The following TBPL1 variants were observed in gnomAD, a reference collection of about 807,000 sequenced individuals.
TBPL1 encodes TATA box-binding protein-like 1.
TBPL1 carries 4 observed loss-of-function variants against 22.1 expected under a neutral mutation model. The ratio of observed to expected loss-of-function variants is 0.18; its 90% CI spans 0.09 to 0.41. TBPL1 has a LOEUF of 0.41. Ranked by LOEUF, TBPL1 falls within the 10% of genes least tolerant of loss-of-function variation. The pLI is 1.00. For missense variants in TBPL1, 115 were observed against 222.3 expected (o/e 0.52, Z 3.07); for synonymous variants, 64 against 71.0 (o/e 0.90, Z 0.50).
In TBPL1 at chr6:133,989,333, CA is replaced by C. The variant is rs1289791758; in HGVS notation, c.*2294del. ...ATTTGAAGACAAAATTGTTTAGTTA[CA>C]GACTCAGGATAATAAAAGAAAAATA... On this transcript the variant is annotated 3_prime_UTR_variant, in exon 7 of 7. Coordinates refer to ENST00000237264, the MANE Select transcript of TBPL1 (RefSeq NM_004865.4). 2 of 152,044 alleles carry C rather than the reference CA, an allele frequency of 1.3e-5. No individual in the cohort carries two copies. Among genetic ancestry groups the C allele is most frequent in the Non-Finnish European group, 2.9e-5 (2 of 68,012 alleles). The allele number at this position is 152,044 out of a possible 1,614,324, so 9.4% of individuals were successfully genotyped here. A position where few individuals can be genotyped will look rare whatever the true frequency, so the allele number is the denominator to read the frequency against.
At position 133,989,961 on chromosome 6, in the gene TBPL1, T is replaced by C. The variant is rs1776598330; in HGVS notation, c.*2921T>C. 1 of 152,290 alleles carries C rather than the reference T, an allele frequency of 6.6e-6. No homozygotes were observed. The highest frequency in any genetic ancestry group is 2.1e-4 in the South Asian group (1 of 4,832). The allele number at this position is 152,290 out of a possible 1,614,324, so 9.4% of individuals were successfully genotyped here. ...ACTTAAATATTAGTAATTTAATATGTTATTTGGTTCAAGATTTGATTGTGG... is the reference window on the plus strand; with the variant it reads ...ACTTAAATATTAGTAATTTAATATGCTATTTGGTTCAAGATTTGATTGTGG... On this transcript the variant is annotated 3_prime_UTR_variant, in exon 7 of 7. Transcript: ENST00000237264.
At chr6:133,952,917 G>C (rs779915552), upstream of TBPL1, among the ~76,000 whole-genome samples, 2 of 152,178 alleles carry the variant, frequency 1.3e-5, no homozygotes, top group African/African-American at 2.4e-5. This position sits in a 1 kb window ranked among gnomAD's most constrained non-coding sequence, Gnocchi z 4.5. Flanking sequence ...GGTGTTTTCA[G>C]AACCCTTTCA....
chr6:133,984,168 A>C, intron 4 of TBPL1, among the ~76,000 whole-genome samples: 1 of 152,146 alleles, frequency 6.6e-6, no homozygotes, highest in East Asian at 1.9e-4. Context: ...CAAATACCTC[A>C]GTTTTTAATT....
rs1230649053 is a variant in TBPL1, at chr6:133,985,293, AAAAAATATATATATATATATAT to A, written c.481+624_481+645del. On this transcript the variant is annotated intron_variant, in intron 6 of 6. Coordinates refer to ENST00000237264, the MANE Select transcript of TBPL1 (RefSeq NM_004865.4). ...ACTCTGTCTAAAAAAAAAAAAAAAA[AAAAAATATATATATATATATAT>A]ATATATATATATATATATATATACA... 7.4e-5 allele frequency among the ~76,000 whole-genome samples: 5 copies of A among 67,126 alleles called. 1 individual carries two copies. Among genetic ancestry groups the A allele is most frequent in the African/African-American group, 3.3e-4 (5 of 15,374 alleles). 44.0% of individuals were successfully genotyped at this position (67,126 alleles called of 152,430 possible). A position where few individuals can be genotyped will look rare whatever the true frequency, so the allele number is the denominator to read the frequency against.
At chr6:133,982,495 A>G in intron 2 of TBPL1, 73 bp from the exon 3 acceptor site, 1 of 1,318,238 alleles carries the variant, frequency 7.6e-7, no homozygotes, top group Non-Finnish European at 1.1e-6. Flanking sequence ...TTGGACATTA[A>G]TATGACTATA....
intron 1 of TBPL1, among the ~76,000 whole-genome samples, chr6:133,955,165 T>A (rs1026625855): frequency 1.3e-5 from 2 of 151,212 alleles, no homozygotes; most frequent in African/African-American, 4.9e-5. Flanking sequence ...GGGTTATCTT[T>A]GTGCATATGA....
At chr6:133,966,750 A>G (rs1298240380) in intron 1 of TBPL1, among the ~76,000 whole-genome samples, 5 of 152,036 alleles carry the variant, frequency 3.3e-5, no homozygotes, top group Non-Finnish European at 5.9e-5. Flanking sequence ...CCCCATATCA[A>G]TCAGAAAATT....
At chr6:133,985,072 G>A (rs773384543) in intron 6 of TBPL1, among the ~76,000 whole-genome samples, 3 of 151,668 alleles carry the variant, frequency 2.0e-5, no homozygotes, top group East Asian at 1.9e-4. Context: ...AAGGTCAAGA[G>A]ATCAAGACCA....
intron 1 of TBPL1, 142 bp from the exon 2 acceptor site, chr6:133,979,940 C>A (rs1776379785): frequency 1.6e-6 from 1 of 625,564 alleles, no homozygotes; most frequent in Non-Finnish European, 2.3e-6. Flanking sequence ...AGCCACTGTG[C>A]CCGGCCAGGG....
intron 1 of TBPL1, among the ~76,000 whole-genome samples, chr6:133,977,277 C>A (rs1776331199): frequency 6.6e-6 from 1 of 152,082 alleles, no homozygotes; most frequent in Non-Finnish European, 1.5e-5. Context: ...TTTCAGGTTA[C>A]TCATATTATA....
At chr6:133,971,050 A>G (rs541595140) in intron 1 of TBPL1, among the ~76,000 whole-genome samples, 6 of 152,168 alleles carry the variant, frequency 3.9e-5, no homozygotes, top group East Asian at 1.9e-4. Flanking sequence ...CTCCAATCCA[A>G]TTGTAATTTT....
At chr6:133,964,293 A>G (rs1159669772) in intron 1 of TBPL1, among the ~76,000 whole-genome samples, 1 of 152,124 alleles carries the variant, frequency 6.6e-6, no homozygotes, top group Middle Eastern at 3.2e-3. Context: ...AGATCTGACA[A>G]GCTCTGAGTA....
In TBPL1 at chr6:133,987,774, C is replaced by T. The variant is rs1776559517; in HGVS notation, c.*734C>T. ...AAACGTGTATATAAACTCTAGGGAA[C>T]CAGACTAGAAGTTTATAGATAAAGG... On this transcript the variant is annotated 3_prime_UTR_variant, in exon 7 of 7. Transcript: ENST00000237264. The T allele has an allele frequency of 1.3e-5, 2 of 151,732 alleles. No homozygotes were observed. Among genetic ancestry groups the T allele is most frequent in the Admixed American group, 1.3e-4 (2 of 15,174 alleles). The allele number at this position is 151,732 out of a possible 1,614,324, so 9.4% of individuals were successfully genotyped here. A position where few individuals can be genotyped will look rare whatever the true frequency, so the allele number is the denominator to read the frequency against.
chr6:133,958,759 C>T (rs1305414740), intron 1 of TBPL1, among the ~76,000 whole-genome samples: 2 of 151,918 alleles, frequency 1.3e-5, no homozygotes, highest in Non-Finnish European at 1.5e-5. Context: ...AAAATATATA[C>T]TATAGAGGTT....
At chr6:133,982,303 A>G (rs1776428954) in intron 2 of TBPL1, among the ~76,000 whole-genome samples, 1 of 152,230 alleles carries the variant, frequency 6.6e-6, no homozygotes, top group African/African-American at 2.4e-5. Flanking sequence ...AATTGTTTAT[A>G]TACTTGGAGT....
intron 1 of TBPL1, among the ~76,000 whole-genome samples, chr6:133,967,944 G>A (rs1329011008): frequency 1.3e-5 from 2 of 152,012 alleles, no homozygotes; most frequent in African/African-American, 2.4e-5. Context: ...TAGAGCCTAG[G>A]ACCATGTGCT....
intron 4 of TBPL1, among the ~76,000 whole-genome samples, chr6:133,983,426 A>G (rs1463159404): frequency 6.6e-6 from 1 of 152,266 alleles, no homozygotes; most frequent in Non-Finnish European, 1.5e-5. Flanking sequence ...ATGGTCCCTG[A>G]AGATGAGGGC....
rs1257192632 is a variant in TBPL1, at chr6:133,987,545, A to T, written c.*505A>T. The T allele has an allele frequency of 6.6e-6, 1 of 152,240 alleles. No individual in the cohort carries two copies. Among genetic ancestry groups the T allele is most frequent in the Non-Finnish European group, 1.5e-5 (1 of 67,950 alleles). The allele number at this position is 152,240 out of a possible 1,614,324, so 9.4% of individuals were successfully genotyped here. On this transcript the variant is annotated 3_prime_UTR_variant, in exon 7 of 7. Coordinates refer to ENST00000237264, the MANE Select transcript of TBPL1 (RefSeq NM_004865.4). ...CATTTTCTATTTTAACAAAAATTGTATTCATACTTCTTTTTTTTAAAATCT... is the reference window on the plus strand; with the variant it reads ...CATTTTCTATTTTAACAAAAATTGTTTTCATACTTCTTTTTTTTAAAATCT...
chr6:133,980,364 C>A, intron 2 of TBPL1, 104 bp downstream of exon 2: 1 of 1,275,766 alleles, frequency 7.8e-7, no homozygotes, highest in Non-Finnish European at 1.0e-6. Context: ...GAGCACCTTA[C>A]CATGTGCTGG....
Sources: gnomAD v4.1 joint callset for allele counts (sites outside exome capture counted in the v4.1 genomes callset) on GRCh38, gnomAD v4.1.1 for gene constraint, Gnocchi (gnomAD v3.1) non-coding constraint, MANE v1.5 for transcripts, NCBI Gene and HGNC (gene_info 2026-07-23, HGNC 2026-07-21) for gene names.